Variants in PCNX1 observed in about 807,000 individuals in gnomAD.
The protein encoded by PCNX1 is pecanex 1.
In PCNX1, 78 loss-of-function variants were observed where a neutral mutation model predicts 242.2. The observed-to-expected ratio is 0.32, with a 90% CI of 0.27 to 0.39. PCNX1 has a LOEUF of 0.39. Ranked by LOEUF, PCNX1 falls within the 10% of genes least tolerant of loss-of-function variation. The pLI, the probability that PCNX1 is intolerant of heterozygous loss-of-function variation, is 1.00. For synonymous variants in PCNX1, 1,024 were observed against 1,032.9 expected (o/e 0.99, Z 0.17); for missense variants, 2,581 against 2,856.5 (o/e 0.90, Z 2.20).
intron 1 of PCNX1, among the ~76,000 whole-genome samples, chr14:70,934,217 G>A (rs549706575): frequency 1.3e-5 from 2 of 152,142 alleles, no homozygotes; most frequent in Non-Finnish European, 2.9e-5. Flanking sequence ...ATCTTGAATA[G>A]CTTGAACCTA....
At chr14:70,961,919 G>T (rs534921721) in intron 2 of PCNX1, among the ~76,000 whole-genome samples, 2 of 152,232 alleles carry the variant, frequency 1.3e-5, no homozygotes, top group Admixed American at 6.5e-5. Context: ...TTGATGGCAC[G>T]TATCGTAACA....
At chr14:70,998,057 GCATA>G (rs1023751333) in intron 8 of PCNX1, among the ~76,000 whole-genome samples, 5 of 152,030 alleles carry the variant, frequency 3.3e-5, no homozygotes, top group African/African-American at 4.8e-5. Flanking sequence ...TTTATATAAA[GCATA>G]CATACACACA....
chr14:70,952,581 AT>A lies in PCNX1; in HGVS notation c.362+5468del, dbSNP rs34882996. Among the ~76,000 whole-genome samples the A allele has an allele frequency of 1.5e-3, 222 of 150,526 alleles. 1 individual carries two copies. The highest frequency in any genetic ancestry group is 4.7e-3 in the African/African-American group (194 of 41,122). On this transcript the variant is annotated intron_variant, in intron 2 of 35. Transcript: ENST00000304743. ...TACAGTATGCATTTCTCTATGAGAGATTTTTTTTTTGCACAGTATATTATAC... is the reference window on the plus strand; with the variant it reads ...TACAGTATGCATTTCTCTATGAGAGATTTTTTTTTGCACAGTATATTATAC...
chr14:71,114,110 A>AT lies in PCNX1; in HGVS notation c.*4177dup, dbSNP rs1664009911. On this transcript the variant is annotated 3_prime_UTR_variant, in exon 36 of 36. Coordinates refer to ENST00000304743, the MANE Select transcript of PCNX1 (RefSeq NM_014982.3). The stretch of plus-strand genomic sequence containing the variant: ...TGGAACTTGCTAATGGAGGTTGGAC[A>AT]TTCTGTTTCAGTCTTACATGGATAT... The AT allele has an allele frequency of 6.6e-6, 1 of 152,226 alleles. No individual in the cohort carries two copies. The highest frequency in any genetic ancestry group is 2.1e-4 in the South Asian group (1 of 4,832). 9.4% of individuals were successfully genotyped at this position (152,226 alleles called of 1,614,324 possible). A position where few individuals can be genotyped will look rare whatever the true frequency, so the allele number is the denominator to read the frequency against.
In PCNX1 at chr14:71,109,609, G is replaced by C. The variant is rs1352734187; in HGVS notation, c.6885+17G>C. The C allele has an allele frequency of 6.2e-7, 1 of 1,613,948 alleles. No homozygotes were observed. Among genetic ancestry groups the C allele is most frequent in the Non-Finnish European group, 8.5e-7 (1 of 1,179,842 alleles). On this transcript the variant is annotated intron_variant, in intron 35 of 35. Coordinates refer to ENST00000304743, the MANE Select transcript of PCNX1 (RefSeq NM_014982.3). ...GAAGGCCATGTAAGTTCTTTTACAA[G>C]CTGGCGGTCTGGGGCTCTGCCTTTT...
intron 1 of PCNX1, among the ~76,000 whole-genome samples, chr14:70,918,859 G>A (rs886692166): frequency 1.3e-5 from 2 of 149,756 alleles, no homozygotes; most frequent in Non-Finnish European, 1.5e-5. Flanking sequence ...ATTCAATGGA[G>A]TGTTCGTTTG....
chr14:71,028,946 C>G (rs987206963), intron 16 of PCNX1, among the ~76,000 whole-genome samples, 155 bp downstream of exon 16: 1 of 152,058 alleles, frequency 6.6e-6, no homozygotes, highest in Admixed American at 6.5e-5. Flanking sequence ...TTCTCAACTA[C>G]TTTGAATTTG....
intron 1 of PCNX1, among the ~76,000 whole-genome samples, chr14:70,922,195 G>A (rs553861733): frequency 1.6e-4 from 25 of 152,168 alleles, no homozygotes; most frequent in African/African-American, 5.3e-4. Context: ...TATTTATGGA[G>A]CATTTCACCC....
intron 26 of PCNX1, among the ~76,000 whole-genome samples, chr14:71,058,362 T>C (rs1207594232): frequency 5.3e-5 from 8 of 152,204 alleles, no homozygotes; most frequent in Non-Finnish European, 1.2e-4. Context: ...GATAAAGTTA[T>C]TTCTTTACAG....
At chr14:70,967,032 T>TA (rs927748859) in intron 3 of PCNX1, among the ~76,000 whole-genome samples, 31 of 152,348 alleles carry the variant, frequency 2.0e-4, no homozygotes, top group Middle Eastern at 3.4e-3. Context: ...AGCTTTTTTT[T>TA]ATTGGCTACC....
At chr14:71,064,245 G>GA (rs918062360) in intron 26 of PCNX1, among the ~76,000 whole-genome samples, 14 of 151,726 alleles carry the variant, frequency 9.2e-5, no homozygotes, top group East Asian at 1.9e-4. Context: ...ATTTTGCTCA[G>GA]AAAAAAAATC....
chr14:70,969,054 T>C lies in PCNX1; in HGVS notation c.548T>C (p.Ile183Thr), dbSNP rs775693914. ...GACACTGCTAAGACTTCTGATGATATCAGTTTAAGTCTGGGCCAAAGTTCT... is the reference window on the plus strand; with the variant it reads ...GACACTGCTAAGACTTCTGATGATACCAGTTTAAGTCTGGGCCAAAGTTCT... ...DTDTAKTSDDISLSLGQSSSL... is the reference protein window; with the variant it reads ...DTDTAKTSDDTSLSLGQSSSL... The change falls in exon 5 of 36, where the codon ATC becomes ACC. Residue 183 changes from isoleucine to threonine, a missense_variant. By Grantham distance (89) the Ile-to-Thr change is moderately conservative. Around this residue, in one of 9 missense-constraint regions of PCNX1, gnomAD observed 1,204 missense variants for 1,216.7 expected, o/e 0.99. Coordinates refer to ENST00000304743, the MANE Select transcript of PCNX1 (RefSeq NM_014982.3). 8.1e-6 allele frequency: 13 copies of C among 1,610,386 alleles called. No homozygotes were observed. Among genetic ancestry groups the C allele is most frequent in the East Asian group, 6.7e-5 (3 of 44,766 alleles).
At chr14:71,074,582 ACT>A (rs1487516092) in intron 27 of PCNX1, among the ~76,000 whole-genome samples, 5 of 152,132 alleles carry the variant, frequency 3.3e-5, no homozygotes, top group Non-Finnish European at 7.4e-5. Flanking sequence ...GCATGGCTGT[ACT>A]CACGGGCTGT....
chr14:70,989,413 G>C (rs1173687578), intron 7 of PCNX1, among the ~76,000 whole-genome samples: 2 of 151,684 alleles, frequency 1.3e-5, no homozygotes, highest in African/African-American at 4.8e-5. Context: ...TAAAATTCCA[G>C]TAACTACTTT....
At chr14:70,983,624 GT>G (rs1315098561) in intron 6 of PCNX1, among the ~76,000 whole-genome samples, 2 of 145,198 alleles carry the variant, frequency 1.4e-5, no homozygotes, top group Non-Finnish European at 3.2e-5. Context: ...TTTTGTTACT[GT>G]TTGCTCTGGT....
chr14:70,977,995 C>G lies in PCNX1; in HGVS notation c.1658C>G (p.Thr553Arg), dbSNP rs375781825. 1 of 1,614,026 alleles carries G rather than the reference C, an allele frequency of 6.2e-7. No homozygotes were observed. Among genetic ancestry groups the G allele is most frequent in the Non-Finnish European group, 8.5e-7 (1 of 1,180,028 alleles). Residue 553 changes from threonine (T) to arginine (R), a missense_variant, in exon 6 of 36, where the codon ACA becomes AGA. This residue lies in a region of PCNX1 where 1,204 missense variants were observed against 1,216.7 expected (regional missense o/e 0.99). Transcript: ENST00000304743. ...AAATCTTCTAGCGTAATCCATCGGA[C>G]AGCTTCTGCCCACAAGTCAGGCAGG... ...RPKSSSVIHR[T>R]ASAHKSGRRR...
intron 1 of PCNX1, among the ~76,000 whole-genome samples, chr14:70,944,496 A>C (rs2057385396): frequency 6.6e-6 from 1 of 152,192 alleles, no homozygotes; most frequent in South Asian, 2.1e-4. Flanking sequence ...CTAGGAAGTA[A>C]CTAATTTGCT....
At chr14:71,105,152 T>C in intron 32 of PCNX1, 83 bp from the exon 33 acceptor site, 2 of 1,033,768 alleles carry the variant, frequency 1.9e-6, no homozygotes, top group Non-Finnish European at 3.0e-6. Flanking sequence ...GCATTTGCAG[T>C]TCAGAATAGC....
At chr14:70,957,104 A>G (rs996836918) in intron 2 of PCNX1, among the ~76,000 whole-genome samples, 2 of 151,978 alleles carry the variant, frequency 1.3e-5, no homozygotes, top group African/African-American at 2.4e-5. Flanking sequence ...AAATCTGTCT[A>G]CTAACCTCAG....
Sources: allele counts gnomAD v4.1 joint callset (sites outside exome capture counted in the v4.1 genomes callset), GRCh38; gene constraint gnomAD v4.1.1; regional missense constraint gnomAD v4.1.1; transcripts MANE v1.5; gene names NCBI Gene and HGNC (gene_info 2026-07-23, HGNC 2026-07-21).